EIF2AK4: variants seen among roughly 807,000 people sequenced by gnomAD.
EIF2AK4 encodes eukaryotic translation initiation factor 2 alpha kinase 4.
Under a neutral mutation model 211.1 loss-of-function variants are expected in EIF2AK4, and 139 were observed. The observed-to-expected ratio is 0.66, with a 90% CI of 0.57 to 0.76. The LOEUF is 0.76. Among genes scored for constraint, EIF2AK4 ranks in the 30% least tolerant of loss-of-function variants. The pLI is 0.00. For synonymous variants in EIF2AK4, 710 were observed against 751.3 expected (o/e 0.94, Z 0.90); for missense variants, 1,664 against 2,043.8 (o/e 0.81, Z 3.58).
intron 23 of EIF2AK4, 82 bp downstream of exon 23, chr15:40,003,396 C>T (rs1044175868): frequency 1.3e-6 from 2 of 1,562,296 alleles, no homozygotes; most frequent in Non-Finnish European, 1.7e-6. Context: ...GATTTTTCCC[C>T]CAGGCTTATA....
At chr15:39,936,830 AAATC>A (rs1566978795) in intron 1 of EIF2AK4, among the ~76,000 whole-genome samples, 1 of 152,194 alleles carries the variant, frequency 6.6e-6, no homozygotes, top group Non-Finnish European at 1.5e-5. Flanking sequence ...GCAGCATCGA[AAATC>A]AAACACAATG....
chr15:39,982,596 A>G (rs2034806863), intron 13 of EIF2AK4, among the ~76,000 whole-genome samples: 1 of 150,060 alleles, frequency 6.7e-6, no homozygotes, highest in South Asian at 2.2e-4. Context: ...TGTGCAGAAC[A>G]TGCAGTTTTG....
chr15:39,959,719 G>GT (rs1390686357), intron 6 of EIF2AK4, among the ~76,000 whole-genome samples: 1 of 152,206 alleles, frequency 6.6e-6, no homozygotes, highest in Admixed American at 6.5e-5. Flanking sequence ...CTTCTGCATA[G>GT]TTTATGTTAC....
At chr15:39,978,842 A>G (rs2034738042) in intron 13 of EIF2AK4, among the ~76,000 whole-genome samples, 3 of 152,224 alleles carry the variant, frequency 2.0e-5, no homozygotes. Flanking sequence ...TACAGATACT[A>G]TAAAACAAAG....
chr15:39,974,946 T>A (rs1331056265), intron 11 of EIF2AK4: 1 of 152,178 alleles, frequency 6.6e-6, no homozygotes, highest in Non-Finnish European at 1.5e-5. Context: ...CCTAGGGGTT[T>A]CCAGTATAGC....
rs202237104 is a variant in EIF2AK4 at position 40,017,501 on chromosome 15, CTATATATATATATATATATA to C, written c.4065+293_4065+312del. ...GGCTCATGTACCCTTTACTCTGTTT[CTATATATATATATATATATA>C]TATATATATATATATATATATATAT... On this transcript the variant is annotated intron_variant, in intron 29 of 38. Coordinates refer to ENST00000263791, the MANE Select transcript of EIF2AK4 (RefSeq NM_001013703.4). Among the ~76,000 whole-genome samples the C allele has an allele frequency of 0.043, 1,132 of 26,138 alleles. 169 individuals carry two copies. In the East Asian group the frequency reaches 0.44, roughly 10 times the overall value. The allele number at this position is 26,138 out of a possible 152,430, so 17.1% of individuals were successfully genotyped here.
At chr15:39,989,908 G>A (rs575336713) in intron 15 of EIF2AK4, among the ~76,000 whole-genome samples, 33 of 152,322 alleles carry the variant, frequency 2.2e-4, no homozygotes, top group South Asian at 1.2e-3. Flanking sequence ...CTACGAAGGG[G>A]AGAGGGTACA....
chr15:39,965,932 C>A (rs1273559551), intron 8 of EIF2AK4, 89 bp downstream of exon 8: 5 of 1,522,952 alleles, frequency 3.3e-6, no homozygotes, highest in Non-Finnish European at 3.5e-6. Flanking sequence ...TTTGTTTGCC[C>A]TGCAGAGATG....
chr15:40,017,361 T>C, intron 29 of EIF2AK4, 119 bp downstream of exon 29: 1 of 1,130,158 alleles, frequency 8.8e-7, no homozygotes, highest in Non-Finnish European at 1.2e-6. Flanking sequence ...TGGATACTTC[T>C]ATTAATATAT....
At position 40,016,536 on chromosome 15, in the gene EIF2AK4, G is replaced by C; in HGVS notation, c.3794G>C (p.Gly1265Ala). 1 of 1,614,168 alleles carries C rather than the reference G, an allele frequency of 6.2e-7. No individual in the cohort carries two copies. The highest frequency in any genetic ancestry group is 8.5e-7 in the Non-Finnish European group (1 of 1,180,010). The change falls in exon 28 of 39, where the codon GGA (glycine) becomes GCA (alanine). Residue 1265 changes from glycine (G) to alanine (A), a missense_variant. Coordinates refer to ENST00000263791, the MANE Select transcript of EIF2AK4 (RefSeq NM_001013703.4). Reference sequence around the variant, plus strand: ...CTCTACAAGTTTATTGAACAGAAGGGAGATTTGCAAGATCTTATGCCAACA... The same window carrying C: ...CTCTACAAGTTTATTGAACAGAAGGCAGATTTGCAAGATCTTATGCCAACA... Reference protein sequence around the residue: ...CRLYKFIEQKGDLQDLMPTIN... With the variant: ...CRLYKFIEQKADLQDLMPTIN...
chr15:39,981,757 T>C (rs2034791251), intron 13 of EIF2AK4, among the ~76,000 whole-genome samples: 1 of 152,148 alleles, frequency 6.6e-6, no homozygotes, highest in African/African-American at 2.4e-5. Flanking sequence ...GGAAAAAGAC[T>C]TTTTTAAGAA....
At position 39,965,699 on chromosome 15, in the gene EIF2AK4, A is replaced by G. The variant is rs745321353; in HGVS notation, c.873A>G (p.Gln291=). 6.2e-7 allele frequency: 1 copy of G among 1,614,022 alleles called. No individual in the cohort carries two copies. The highest frequency in any genetic ancestry group is 8.5e-7 in the Non-Finnish European group (1 of 1,179,948). ...TTTAATGTGCAGGCAGTGATGAACA[A>G]CTTGGAAAATTAGTCTACAATGCTT... is the stretch of plus-strand genomic sequence containing the variant. The part of the protein sequence containing the change: ...HKGKCIGSDE[Q]LGKLVYNALE... Residue 291 remains glutamine, a synonymous_variant, in exon 8 of 39, where the codon CAA becomes CAG. Coordinates refer to ENST00000263791, the MANE Select transcript of EIF2AK4 (RefSeq NM_001013703.4).
chr15:39,985,874 T>A lies in EIF2AK4; in HGVS notation c.2389T>A (p.Tyr797Asn). The A allele has an allele frequency of 6.2e-7, 1 of 1,613,332 alleles. No individual in the cohort carries two copies. The highest frequency in any genetic ancestry group is 1.1e-5 in the South Asian group (1 of 91,018). Reference protein sequence around the residue: ...EPSVTTEAVHYLYIQMEYCEK... With the variant: ...EPSVTTEAVHNLYIQMEYCEK... ...ATCAGTGACGACTGAGGCTGTGCACTACCTATACATCCAGGTGAGGTCGTG... is the reference window on the plus strand; with the variant it reads ...ATCAGTGACGACTGAGGCTGTGCACAACCTATACATCCAGGTGAGGTCGTG... Residue 797 changes from tyrosine (Y) to asparagine (N), a missense_variant, in exon 14 of 39, where the codon TAC (tyrosine) becomes AAC (asparagine). Coordinates refer to ENST00000263791, the MANE Select transcript of EIF2AK4 (RefSeq NM_001013703.4).
intron 35 of EIF2AK4, among the ~76,000 whole-genome samples, chr15:40,031,084 AC>A (rs937256167): frequency 2.0e-5 from 3 of 152,178 alleles, no homozygotes; most frequent in Non-Finnish European, 4.4e-5. Context: ...TACTAAAAAT[AC>A]AAAAATTAGC....
chr15:39,994,878 T>C (rs1343674141), intron 18 of EIF2AK4, among the ~76,000 whole-genome samples: 1 of 152,068 alleles, frequency 6.6e-6, no homozygotes, highest in African/African-American at 2.4e-5. Context: ...TCTTGCTCTT[T>C]TCGCCCAGGC....
intron 13 of EIF2AK4, among the ~76,000 whole-genome samples, chr15:39,981,994 G>A (rs371805616): frequency 2.5e-4 from 36 of 145,606 alleles, no homozygotes; most frequent in African/African-American, 8.7e-4. Context: ...GCACGATCTC[G>A]GCTCACTGCA....
intron 32 of EIF2AK4, among the ~76,000 whole-genome samples, chr15:40,022,940 G>A (rs954077846): frequency 5.3e-5 from 8 of 152,082 alleles, no homozygotes; most frequent in South Asian, 2.1e-4. Flanking sequence ...TCACCATGTT[G>A]GCCAGGATGG....
chr15:39,957,045 A>G (rs530417425), intron 6 of EIF2AK4, among the ~76,000 whole-genome samples: 2 of 152,300 alleles, frequency 1.3e-5, no homozygotes, highest in African/African-American at 4.8e-5. Flanking sequence ...CTCCTTCCCA[A>G]TTTAAATTAT....
chr15:39,976,785 C>T lies in EIF2AK4; in HGVS notation c.2190C>T (p.Ser730=), dbSNP rs1028079042. Residue 730 remains serine (S), a synonymous_variant, in exon 12 of 39, where the codon TCC becomes TCT. Transcript: ENST00000263791. The part of the protein sequence containing the change: ...SARFPATGPG[S]SDDEDDDEDE... ...GTTTCCCCGCCACCGGCCCGGGCTC[C>T]AGCGATGACGAGGACGACGACGAGG... 1.9e-6 allele frequency: 3 copies of T among 1,583,114 alleles called. No individual in the cohort carries two copies. Among genetic ancestry groups the T allele is most frequent in the African/African-American group, 2.8e-5 (2 of 72,426 alleles).
Sources: gnomAD v4.1 joint callset for allele counts (sites outside exome capture counted in the v4.1 genomes callset) on GRCh38, gnomAD v4.1.1 for gene constraint, MANE v1.5 for transcripts, NCBI Gene and HGNC (gene_info 2026-07-23, HGNC 2026-07-21) for gene names.